The following PRKD1 variants were observed in gnomAD, a reference collection of about 807,000 sequenced individuals.
PRKD1 encodes serine/threonine-protein kinase D1.
A neutral mutation model predicts 95.9 loss-of-function variants in PRKD1; 63 were observed. The ratio of observed to expected loss-of-function variants is 0.66; its 90% CI spans 0.54 to 0.81. The LOEUF (loss-of-function observed/expected upper bound fraction) is 0.81, where lower values mean the gene tolerates loss of function less well. Among genes scored for constraint, PRKD1 ranks in the 30% least tolerant of loss-of-function variants. The probability of loss-of-function intolerance (pLI) is 0.00; values close to 1 mark genes in which losing one functional copy is unlikely to be tolerated. For synonymous variants in PRKD1, 425 were observed against 423.1 expected, an observed-to-expected ratio of 1.00 and a Z score of -0.05; for missense variants, 1,048 against 1,165.3, an observed-to-expected ratio of 0.90 and a Z score of 1.47.
intron 1 of PRKD1, among the ~76,000 whole-genome samples, chr14:29,889,403 G>C (rs565964121): frequency 2.0e-5 from 3 of 152,266 alleles, no homozygotes; most frequent in East Asian, 3.9e-4. Flanking sequence ...CCCATGGAGG[G>C]CAAGCCAAAG....
At chr14:29,790,723 G>C (rs1889505592) in intron 1 of PRKD1, among the ~76,000 whole-genome samples, 1 of 152,118 alleles carries the variant, frequency 6.6e-6, no homozygotes, top group South Asian at 2.1e-4. Context: ...AAAACTATTA[G>C]ATTATGACGA....
chr14:29,714,532 T>C (rs1885501648), intron 2 of PRKD1, among the ~76,000 whole-genome samples: 5 of 152,168 alleles, frequency 3.3e-5, no homozygotes, highest in South Asian at 2.1e-4. Flanking sequence ...AGTTCAACGA[T>C]TGTGGAAGAC....
At chr14:29,803,424 A>G (rs1890112503) in intron 1 of PRKD1, among the ~76,000 whole-genome samples, 1 of 152,184 alleles carries the variant, frequency 6.6e-6, no homozygotes, top group African/African-American at 2.4e-5. Flanking sequence ...ACCAAGTTTT[A>G]ATTTTTTTGT....
At chr14:29,845,237 C>G (rs868063337) in intron 1 of PRKD1, among the ~76,000 whole-genome samples, 1 of 152,042 alleles carries the variant, frequency 6.6e-6, no homozygotes, top group Non-Finnish European at 1.5e-5. Flanking sequence ...CATAACTGGT[C>G]TGTAAAGAAA....
chr14:29,721,355 TTA>T (rs1885886982), intron 2 of PRKD1, among the ~76,000 whole-genome samples: 1 of 152,226 alleles, frequency 6.6e-6, no homozygotes, highest in Admixed American at 6.5e-5. Flanking sequence ...GATTCAACAT[TTA>T]TCTTTCAAAC....
chr14:29,577,533 G>T, intron 17 of PRKD1, 77 bp from the exon 18 acceptor site: 1 of 1,381,012 alleles, frequency 7.2e-7, no homozygotes, highest in Non-Finnish European at 1.0e-6. Flanking sequence ...GTCAGTTTCT[G>T]CAATCTATGA....
At chr14:29,809,855 A>C (rs561640410) in intron 1 of PRKD1, among the ~76,000 whole-genome samples, 1 of 152,292 alleles carries the variant, frequency 6.6e-6, no homozygotes, top group South Asian at 2.1e-4. Context: ...GGCACTCACA[A>C]TTTGGCTAAG....
chr14:29,813,999 A>G (rs905934498), intron 1 of PRKD1, among the ~76,000 whole-genome samples: 6 of 152,338 alleles, frequency 3.9e-5, no homozygotes, highest in African/African-American at 1.2e-4. Context: ...ATGAATGAAT[A>G]TTCATTTACT....
At chr14:29,842,705 T>C (rs1248374214) in intron 1 of PRKD1, among the ~76,000 whole-genome samples, 2 of 152,238 alleles carry the variant, frequency 1.3e-5, no homozygotes, top group Non-Finnish European at 2.9e-5. Context: ...ACTAATCCTT[T>C]TCTGTATGCT....
chr14:29,617,392 G>A (rs971465075), intron 13 of PRKD1, among the ~76,000 whole-genome samples: 7 of 152,190 alleles, frequency 4.6e-5, no homozygotes, highest in Admixed American at 1.3e-4. Context: ...ACTTGGATGA[G>A]AAGAGAATAT....
Position 29,725,581 on chromosome 14 carries a change from C to A in PRKD1, c.358G>T (p.Ala120Ser). 1 of 1,613,798 alleles carries A rather than the reference C, an allele frequency of 6.2e-7. No individual in the cohort carries two copies. Among genetic ancestry groups the A allele is most frequent in the Non-Finnish European group, 8.5e-7 (1 of 1,179,786 alleles). ...AGATCGCCTTCCTGGATATCACTGG[C>A]CGCTTTCACCAGCTGAAGGATGTTT... ...SENILQLVKA[A>S]SDIQEGDLIE... The change falls in exon 2 of 18, where the codon GCC (alanine) becomes TCC (serine). Residue 120 changes from alanine (A) to serine (S), a missense_variant. Transcript: ENST00000331968.
chr14:29,645,931 T>A (rs995733861), intron 4 of PRKD1, among the ~76,000 whole-genome samples: 15 of 152,120 alleles, frequency 9.9e-5, no homozygotes, highest in African/African-American at 3.6e-4. Flanking sequence ...TGCAACTGTA[T>A]TATTTACCTC....
rs1314441475 is a variant in PRKD1, at chr14:29,599,718, T to C, written c.2005A>G (p.Met669Val). The part of the protein sequence containing the change: ...MEKLHGDMLE[M>V]ILSSEKGRLP... Reference sequence around the variant, plus strand: ...CTGCCCTTTTCACTTGACAAGATCATTTCCAGCATGTCTCCATGGAGTTTT... The same window carrying C: ...CTGCCCTTTTCACTTGACAAGATCACTTCCAGCATGTCTCCATGGAGTTTT... The change falls in exon 14 of 18, where the codon ATG becomes GTG. Residue 669 changes from methionine (M) to valine (V), a missense_variant. Coordinates refer to ENST00000331968, the MANE Select transcript of PRKD1 (RefSeq NM_002742.3). 5.6e-6 allele frequency: 9 copies of C among 1,613,512 alleles called. No individual in the cohort carries two copies. The highest frequency in any genetic ancestry group is 7.6e-6 in the Non-Finnish European group (9 of 1,179,794).
chr14:29,883,184 G>A (rs1400720383), intron 1 of PRKD1, among the ~76,000 whole-genome samples: 1 of 152,070 alleles, frequency 6.6e-6, no homozygotes, highest in Non-Finnish European at 1.5e-5. Context: ...GATCCCATGA[G>A]TATTCATTAT....
chr14:29,908,027 A>G (rs1894553313), intron 1 of PRKD1, among the ~76,000 whole-genome samples: 1 of 151,954 alleles, frequency 6.6e-6, no homozygotes, highest in African/African-American at 2.4e-5. Flanking sequence ...ACTGTTAGAT[A>G]TATTTCATAT....
chr14:29,581,626 G>A (rs1022772854), intron 16 of PRKD1, among the ~76,000 whole-genome samples: 2 of 152,022 alleles, frequency 1.3e-5, no homozygotes, highest in African/African-American at 2.4e-5. Context: ...CATTGTAAGT[G>A]GATAATTATC....
rs559258357 is a variant in PRKD1 at position 29,827,984 on chromosome 14, T to C, written c.264+99265A>G. Among the ~76,000 whole-genome samples the C allele has an allele frequency of 4.6e-5, 7 of 152,140 alleles. No individual in the cohort carries two copies. In the East Asian group the frequency reaches 1.4e-3, roughly 29 times the overall value. On this transcript the variant is annotated intron_variant, in intron 1 of 17. Transcript: ENST00000331968. Reference sequence around the variant, plus strand: ...GCTTTTCCTTGGCCTCCTTTTGTTTTCTCCTTTTATTTTCATTCTACTTTG... The same window carrying C: ...GCTTTTCCTTGGCCTCCTTTTGTTTCCTCCTTTTATTTTCATTCTACTTTG...
At position 29,597,658 on chromosome 14, in the gene PRKD1, C is replaced by T. The variant is rs1893358321; in HGVS notation, c.2267G>A (p.Arg756Lys). The change falls in exon 16 of 18, where the codon AGG (arginine) becomes AAG (lysine). Residue 756 changes from arginine (R) to lysine (K), a missense_variant. Coordinates refer to ENST00000331968, the MANE Select transcript of PRKD1 (RefSeq NM_002742.3). ...TPAYLAPEVL[R>K]NKGYNRSLDM... ...TAGAGAGCGATTGTAGCCCTTGTTC[C>T]TTAGGACCTCAGGAGCCAGGTAAGC... is the stretch of plus-strand genomic sequence containing the variant. 6.2e-7 allele frequency: 1 copy of T among 1,613,998 alleles called. No homozygotes were observed. Among genetic ancestry groups the T allele is most frequent in the Non-Finnish European group, 8.5e-7 (1 of 1,179,974 alleles).
chr14:29,655,924 A>AAAAT (rs1555332534), intron 4 of PRKD1, among the ~76,000 whole-genome samples: 3 of 149,510 alleles, frequency 2.0e-5, no homozygotes, highest in African/African-American at 7.3e-5. Flanking sequence ...TATAATAAAA[A>AAAAT]ATATATATAT....
Sources: allele counts gnomAD v4.1 joint callset (sites outside exome capture counted in the v4.1 genomes callset), GRCh38; gene constraint gnomAD v4.1.1; transcripts MANE v1.5; gene names NCBI Gene and HGNC (gene_info 2026-07-23, HGNC 2026-07-21).